The following GPR176 variants were observed in gnomAD, a reference collection of about 807,000 sequenced individuals.
The protein encoded by GPR176 is G-protein coupled receptor 176.
Under a neutral mutation model 35.4 loss-of-function variants are expected in GPR176, and 26 were observed. That is an observed-to-expected ratio of 0.74 (90% confidence interval 0.54 to 1.02). The LOEUF is 1.02. Among genes scored for constraint, GPR176 ranks in the 50% least tolerant of loss-of-function variants. The pLI, the probability that GPR176 is intolerant of heterozygous loss-of-function variation, is 0.00. For missense variants in GPR176, 597 were observed against 665.3 expected, an observed-to-expected ratio of 0.90 and a Z score of 1.13; for synonymous variants, 278 against 271.3, an observed-to-expected ratio of 1.02 and a Z score of -0.24.
At chr15:39,837,539 A>T (rs569749478) in intron 1 of GPR176, among the ~76,000 whole-genome samples, 56 of 152,262 alleles carry the variant, frequency 3.7e-4, no homozygotes, top group Middle Eastern at 3.4e-3. Context: ...GATCCCATGC[A>T]AATTTAATCT....
chr15:39,837,533 C>T (rs1440449758), intron 1 of GPR176, among the ~76,000 whole-genome samples: 1 of 152,122 alleles, frequency 6.6e-6, no homozygotes, highest in Non-Finnish European at 1.5e-5. Flanking sequence ...TCCACAGATC[C>T]CATGCAAATT....
intron 1 of GPR176, among the ~76,000 whole-genome samples, chr15:39,911,761 T>C (rs2033583657): frequency 6.6e-6 from 1 of 152,252 alleles, no homozygotes; most frequent in Admixed American, 6.5e-5. Flanking sequence ...GTTTTATTTA[T>C]ACTTAGTTTC....
intron 1 of GPR176, among the ~76,000 whole-genome samples, chr15:39,837,421 T>C (rs547388349): frequency 6.6e-6 from 1 of 152,274 alleles, no homozygotes; most frequent in Non-Finnish European, 1.5e-5. Context: ...TAGCTTTCTT[T>C]TGTGTAGGAA....
chr15:39,831,732 T>C (rs986181711), intron 1 of GPR176, among the ~76,000 whole-genome samples: 6 of 152,164 alleles, frequency 3.9e-5, no homozygotes, highest in Admixed American at 2.0e-4. Context: ...AATTTCTTGA[T>C]TGCATCCCTC....
intron 1 of GPR176, among the ~76,000 whole-genome samples, chr15:39,851,103 C>G (rs2030837267): frequency 6.6e-6 from 1 of 152,126 alleles, no homozygotes; most frequent in Non-Finnish European, 1.5e-5. Flanking sequence ...CAGATAATGC[C>G]ATCATTTACT....
intron 1 of GPR176, among the ~76,000 whole-genome samples, chr15:39,870,863 G>A (rs969101955): frequency 1.3e-5 from 2 of 152,150 alleles, no homozygotes; most frequent in Non-Finnish European, 2.9e-5. Context: ...CAGCCAGCAA[G>A]AAAATGAGGA....
intron 1 of GPR176, among the ~76,000 whole-genome samples, chr15:39,895,852 C>T (rs1433824667): frequency 6.6e-6 from 1 of 152,142 alleles, no homozygotes; most frequent in Non-Finnish European, 1.5e-5. Flanking sequence ...AAATTACTTA[C>T]CCTTTACTCT....
At chr15:39,882,728 A>G (rs2032522983) in intron 1 of GPR176, among the ~76,000 whole-genome samples, 1 of 152,246 alleles carries the variant, frequency 6.6e-6, no homozygotes, top group Admixed American at 6.5e-5. Context: ...TCAAGTGTGA[A>G]TATAATCAGA....
At chr15:39,825,097 C>T (rs546312251) in intron 1 of GPR176, among the ~76,000 whole-genome samples, 37 of 152,130 alleles carry the variant, frequency 2.4e-4, no homozygotes, top group Non-Finnish European at 4.7e-4. Flanking sequence ...GTCCCAGCTA[C>T]TTGGGAGGCT....
intron 1 of GPR176, among the ~76,000 whole-genome samples, chr15:39,869,810 C>T (rs2031978873): frequency 6.6e-6 from 1 of 152,116 alleles, no homozygotes; most frequent in South Asian, 2.1e-4. Context: ...CCCAAATAGT[C>T]TCAGTGCATA....
chr15:39,831,784 C>T (rs1382530242), intron 1 of GPR176, among the ~76,000 whole-genome samples: 1 of 152,144 alleles, frequency 6.6e-6, no homozygotes, highest in East Asian at 1.9e-4. Flanking sequence ...TCTGTCTCCT[C>T]CTTCCATCAG....
chr15:39,906,210 G>A (rs74009001), intron 1 of GPR176, among the ~76,000 whole-genome samples: 1 of 152,164 alleles, frequency 6.6e-6, no homozygotes, highest in Non-Finnish European at 1.5e-5. Flanking sequence ...AAAAAGCATG[G>A]TTTTCAACCT....
In GPR176 at chr15:39,836,774, C is replaced by A. The variant is rs568052255; in HGVS notation, c.173-29516G>T. On this transcript the variant is annotated intron_variant, in intron 1 of 2. Coordinates refer to ENST00000561100, the MANE Select transcript of GPR176 (RefSeq NM_007223.3). ...CTCTGGGTCCCCTTTAGTTTGTTAA[C>A]CAACAAAATTAGTTCTGGAAATGTC... Among the ~76,000 whole-genome samples the A allele has an allele frequency of 6.6e-5, 10 of 152,194 alleles. No homozygotes were observed. In the South Asian group the frequency reaches 2.1e-3, roughly 32 times the overall value.
At chr15:39,905,447 C>CAAA (rs35302123) in intron 1 of GPR176, among the ~76,000 whole-genome samples, 4 of 91,110 alleles carry the variant, frequency 4.4e-5, no homozygotes, top group Non-Finnish European at 4.7e-5. Context: ...CTCGTCTCTA[C>CAAA]AAAAAAAAAA....
chr15:39,890,754 A>G (rs1167659391), intron 1 of GPR176, among the ~76,000 whole-genome samples: 1 of 152,102 alleles, frequency 6.6e-6, no homozygotes, highest in African/African-American at 2.4e-5. Flanking sequence ...AGAAACATAA[A>G]TCTTCTCACC....
chr15:39,843,570 A>T (rs1251195032), intron 1 of GPR176, among the ~76,000 whole-genome samples: 1 of 145,878 alleles, frequency 6.9e-6, no homozygotes, highest in Admixed American at 6.8e-5. Flanking sequence ...TGACAGATCA[A>T]TAGTACTCTC....
intron 1 of GPR176, among the ~76,000 whole-genome samples, chr15:39,857,656 C>G (rs999200915): frequency 1.3e-5 from 2 of 149,386 alleles, no homozygotes; most frequent in African/African-American, 5.0e-5. Flanking sequence ...GGTGACAAGG[C>G]AAGACATTGT....
intron 1 of GPR176, among the ~76,000 whole-genome samples, chr15:39,821,527 A>G (rs1319489167): frequency 2.6e-5 from 4 of 152,252 alleles, no homozygotes; most frequent in African/African-American, 9.6e-5. Flanking sequence ...GATAAATATT[A>G]GCCAATAAAT....
chr15:39,874,320 T>A (rs2140841651), intron 1 of GPR176, among the ~76,000 whole-genome samples: 1 of 152,322 alleles, frequency 6.6e-6, no homozygotes, highest in Middle Eastern at 3.4e-3. Context: ...ACATGGATGA[T>A]CTGCTGATGG....
Sources: gnomAD v4.1 joint callset for allele counts (sites outside exome capture counted in the v4.1 genomes callset) on GRCh38, gnomAD v4.1.1 for gene constraint, MANE v1.5 for transcripts, NCBI Gene and HGNC (gene_info 2026-07-23, HGNC 2026-07-21) for gene names.